The following ACO2 variants were observed in gnomAD, a reference collection of about 807,000 sequenced individuals.
ACO2 encodes aconitate hydratase, mitochondrial.
A neutral mutation model predicts 84.5 loss-of-function variants in ACO2; 31 were observed. That is an observed-to-expected ratio of 0.37 (90% confidence interval 0.28 to 0.50). The LOEUF is 0.50. Ranked by LOEUF, ACO2 falls within the 20% of genes least tolerant of loss-of-function variation. The pLI, the probability that ACO2 is intolerant of heterozygous loss-of-function variation, is 0.97. For synonymous variants in ACO2, 414 were observed against 412.7 expected (o/e 1.00, Z -0.04); for missense variants, 685 against 1,029.3 (o/e 0.67, Z 4.58).
intron 3 of ACO2, 141 bp downstream of exon 3, chr22:41,508,190 C>A: frequency 8.9e-7 from 1 of 1,122,900 alleles, no homozygotes; most frequent in Non-Finnish European, 1.3e-6. Context: ...CTTGATTTTA[C>A]TTGTTTCTCT....
chr22:41,501,038 C>G (rs2066350628), intron 2 of ACO2, among the ~76,000 whole-genome samples: 1 of 151,888 alleles, frequency 6.6e-6, no homozygotes, highest in Non-Finnish European at 1.5e-5. Context: ...GGGTCTCACT[C>G]TCTTGCCCAC....
chr22:41,524,971 G>A lies in ACO2; in HGVS notation c.1605+3G>A, dbSNP rs563180921. The A allele has an allele frequency of 1.2e-3, 1,926 of 1,614,168 alleles. 36 individuals are homozygous for A. The South Asian group carries it at 0.02, about 17-fold the overall frequency. On this transcript the variant is annotated splice_donor_region_variant and intron_variant, in intron 13 of 17. Coordinates refer to ENST00000216254, the MANE Select transcript of ACO2 (RefSeq NM_001098.3). Reference sequence around the variant, plus strand: ...ATGCAGATGAGCTTCCCAAAGGGGTGAGCGCCCACGCCCCCTGCTTGCTGG... The same window carrying A: ...ATGCAGATGAGCTTCCCAAAGGGGTAAGCGCCCACGCCCCCTGCTTGCTGG...
intron 1 of ACO2, among the ~76,000 whole-genome samples, chr22:41,487,546 G>A (rs2066237276): frequency 1.3e-5 from 2 of 152,112 alleles, no homozygotes; most frequent in Admixed American, 1.3e-4. Flanking sequence ...GGAAAGCATT[G>A]ACTTGATAAT....
At chr22:41,481,568 C>A (rs751157188) in intron 1 of ACO2, among the ~76,000 whole-genome samples, 4 of 152,238 alleles carry the variant, frequency 2.6e-5, no homozygotes, top group African/African-American at 4.8e-5. Flanking sequence ...AGACCTCCGA[C>A]CTCCGTCCTT....
chr22:41,482,625 T>A (rs2038102460), intron 1 of ACO2, among the ~76,000 whole-genome samples: 1 of 152,322 alleles, frequency 6.6e-6, no homozygotes, highest in East Asian at 1.9e-4. Flanking sequence ...AATTGTGGTT[T>A]TCAGTGATTT....
At chr22:41,494,411 CT>C (rs879644372) in intron 1 of ACO2, among the ~76,000 whole-genome samples, 7,042 of 138,912 alleles carry the variant, frequency 0.051, 372 homozygotes, top group African/African-American at 0.15. Context: ...TATTCTGTAT[CT>C]TTTTTTTTTT....
chr22:41,490,149 C>A (rs958661054), intron 1 of ACO2, among the ~76,000 whole-genome samples: 3 of 152,050 alleles, frequency 2.0e-5, no homozygotes, highest in Non-Finnish European at 4.4e-5. Flanking sequence ...ATGGTGAAAC[C>A]CTGTCTTTAC....
chr22:41,525,211 G>A lies in ACO2; in HGVS notation c.1624G>A (p.Asp542Asn). Residue 542 changes from aspartate to asparagine, a missense_variant, in exon 14 of 18, where the codon GAC becomes AAC. This residue lies in a region of ACO2 where 311 missense variants were observed against 441.6 expected (regional missense o/e 0.70). Transcript: ENST00000216254. ...LPKGEFDPGQ[D>N]TYQHPPKDSS... ...GCTGCAGGAGTTTGACCCAGGGCAG[G>A]ACACCTACCAGCACCCACCCAAGGA... 1 of 1,614,082 alleles carries A rather than the reference G, an allele frequency of 6.2e-7. No individual in the cohort carries two copies.
chr22:41,492,176 A>T (rs1451103296), intron 1 of ACO2, among the ~76,000 whole-genome samples: 2 of 152,258 alleles, frequency 1.3e-5, no homozygotes, highest in Non-Finnish European at 2.9e-5. Context: ...ACAGATGCTT[A>T]ATTAGTAATT....
At chr22:41,508,931 G>C (rs2066414048) in intron 3 of ACO2, among the ~76,000 whole-genome samples, 1 of 152,160 alleles carries the variant, frequency 6.6e-6, no homozygotes, top group Non-Finnish European at 1.5e-5. Flanking sequence ...ATGGCTCAAA[G>C]CCTCCCAGCC....
intron 1 of ACO2, among the ~76,000 whole-genome samples, chr22:41,488,315 A>G (rs1451758225): frequency 1.3e-5 from 2 of 152,140 alleles, no homozygotes; most frequent in African/African-American, 4.8e-5. Flanking sequence ...GCAGGGTGAC[A>G]TGCTGAGCCT....
chr22:41,524,670 G>A (rs1373492746), intron 12 of ACO2, among the ~76,000 whole-genome samples, 176 bp from the exon 13 acceptor site: 2 of 152,218 alleles, frequency 1.3e-5, no homozygotes, highest in Non-Finnish European at 2.9e-5. Flanking sequence ...GCAGGCCCAA[G>A]GCCCCGTGGT....
In ACO2 at chr22:41,526,477, A is replaced by G. The variant is rs778324106; in HGVS notation, c.1953+24A>G. 4.4e-6 allele frequency: 7 copies of G among 1,600,886 alleles called. No homozygotes were observed. The African/African-American group carries it at 5.3e-5, about 12-fold the overall frequency. The stretch of plus-strand genomic sequence containing the variant: ...AGGTGGGTCAGAGTTGATAGGGGCA[A>G]TGCCAGTGGTCACTCCTGAAGGGGC... On this transcript the variant is annotated intron_variant, in intron 15 of 17. Coordinates refer to ENST00000216254, the MANE Select transcript of ACO2 (RefSeq NM_001098.3).
intron 15 of ACO2, chr22:41,526,838 A>C: frequency 6.8e-6 from 2 of 293,400 alleles, no homozygotes; most frequent in Non-Finnish European, 1.3e-5. Flanking sequence ...TTTGAGAAAC[A>C]AACAGAACCA....
At chr22:41,499,888 A>G in intron 2 of ACO2, 26 bp downstream of exon 2, 1 of 1,612,606 alleles carries the variant, frequency 6.2e-7, no homozygotes, top group South Asian at 1.1e-5. Flanking sequence ...GGAGGCTGTG[A>G]CTGTCAAGGG....
chr22:41,493,025 G>A (rs1211891110), intron 1 of ACO2, among the ~76,000 whole-genome samples: 6 of 152,174 alleles, frequency 3.9e-5, no homozygotes, highest in Non-Finnish European at 7.4e-5. Flanking sequence ...GGCTGCATCT[G>A]GTGAGGGCCA....
chr22:41,523,972 G>A (rs2066551088), intron 12 of ACO2, 31 bp downstream of exon 12: 3 of 1,601,446 alleles, frequency 1.9e-6, no homozygotes, highest in South Asian at 2.2e-5. Flanking sequence ...ACAAGCCTGG[G>A]ATGGCCTCTG....
intron 6 of ACO2, chr22:41,517,211 A>G (rs1601918964): frequency 5.4e-6 from 2 of 372,212 alleles, no homozygotes; most frequent in South Asian, 4.8e-5. Flanking sequence ...TGCCTGTTCA[A>G]TCTCTTGGGC....
At chr22:41,478,737 C>T (rs532731963) in intron 1 of ACO2, among the ~76,000 whole-genome samples, 3 of 151,524 alleles carry the variant, frequency 2.0e-5, no homozygotes, top group Admixed American at 6.6e-5. Flanking sequence ...CCTTTAAAAC[C>T]CCCGCCCTGT....
Sources: gnomAD v4.1 joint callset for allele counts (sites outside exome capture counted in the v4.1 genomes callset) on GRCh38, gnomAD v4.1.1 for gene constraint, gnomAD v4.1.1 regional missense constraint, MANE v1.5 for transcripts, NCBI Gene and HGNC (gene_info 2026-07-23, HGNC 2026-07-21) for gene names.